The following PVT1 variants were observed in gnomAD, a reference collection of about 807,000 sequenced individuals.
The protein encoded by PVT1 is CXCR4/PVT1 fusion.
chr8:128,027,167 G>T (rs1025509409), intron 4 of PVT1, among the ~76,000 whole-genome samples: 2 of 152,168 alleles, frequency 1.3e-5, no homozygotes, highest in African/African-American at 4.8e-5. Context: ...AAAAAGCCAG[G>T]CTCCGAGTCC....
At chr8:127,824,837 T>C (rs554203648) in intron 2 of PVT1, among the ~76,000 whole-genome samples, 7 of 152,214 alleles carry the variant, frequency 4.6e-5, no homozygotes, top group African/African-American at 1.7e-4. Flanking sequence ...ATATTTAATG[T>C]GGCCGGGCAT....
At chr8:127,964,853 G>GT (rs56704440) in intron 3 of PVT1, among the ~76,000 whole-genome samples, 24,163 of 151,990 alleles carry the variant, frequency 0.16, 2,176 homozygotes, top group South Asian at 0.29. Flanking sequence ...TAAGAATGGG[G>GT]TTTTACCATG....
intron 3 of PVT1, among the ~76,000 whole-genome samples, chr8:127,897,518 GGAAAGAAAGAGGAAA>G (rs1485061375): frequency 8.5e-5 from 11 of 129,764 alleles, no homozygotes; most frequent in Admixed American, 4.4e-4. Flanking sequence ...AAGGAAGGAA[GGAAAGAAAGAGGAAA>G]GAAAGAAAGA....
intron 3 of PVT1, among the ~76,000 whole-genome samples, chr8:127,908,737 G>A (rs910471190): frequency 6.6e-6 from 1 of 152,190 alleles, no homozygotes; most frequent in Non-Finnish European, 1.5e-5. Context: ...TGGTTTCATG[G>A]TGGACTTTGA....
Position 127,835,055 on chromosome 8 carries a change from A to G in PVT1, n.372+38984A>G, listed in dbSNP as rs544752798. The stretch of plus-strand genomic sequence containing the variant: ...CAGTGGGGTGATTCCTCAAGGATCT[A>G]GAACCAGAAATACCATTTGACCCAG... On this transcript the variant is annotated intron_variant and non_coding_transcript_variant, in intron 2 of 10. Coordinates refer to ENST00000651587, the Ensembl canonical transcript of PVT1. 1.9e-4 allele frequency among the ~76,000 whole-genome samples: 29 copies of G among 152,338 alleles called. No individual in the cohort carries two copies. The Middle Eastern group carries it at 0.01, about 54-fold the overall frequency.
At chr8:127,987,969 T>C (rs1036862604) in intron 3 of PVT1, among the ~76,000 whole-genome samples, 1 of 152,218 alleles carries the variant, frequency 6.6e-6, no homozygotes, top group Non-Finnish European at 1.5e-5. Context: ...AACTGGACTC[T>C]GAGTGCAGGA....
intron 2 of PVT1, among the ~76,000 whole-genome samples, chr8:127,833,599 G>A (rs1287457510): frequency 6.6e-6 from 1 of 152,096 alleles, no homozygotes; most frequent in Non-Finnish European, 1.5e-5. Context: ...GACTACAGGT[G>A]CATGCTATGA....
intron 2 of PVT1, among the ~76,000 whole-genome samples, chr8:127,813,410 A>C (rs1814624168): frequency 6.6e-6 from 1 of 151,842 alleles, no homozygotes; most frequent in African/African-American, 2.4e-5. Flanking sequence ...CTGATTTCTG[A>C]ACTAAGAAAA....
intron 3 of PVT1, among the ~76,000 whole-genome samples, chr8:127,976,737 C>G (rs997413208): frequency 6.6e-6 from 1 of 152,148 alleles, no homozygotes; most frequent in African/African-American, 2.4e-5. Context: ...GTCTGAGCCT[C>G]AGGGAGGTGC....
chr8:127,941,237 T>C (rs1461998453), intron 3 of PVT1, among the ~76,000 whole-genome samples: 2 of 152,236 alleles, frequency 1.3e-5, no homozygotes, highest in African/African-American at 4.8e-5. Context: ...TAGAAAAGAT[T>C]ATCTAATTTT....
rs147936343 is a variant in PVT1, at chr8:127,854,995, A to G, written n.373-35594A>G. 3.8e-4 allele frequency among the ~76,000 whole-genome samples: 58 copies of G among 152,310 alleles called. No homozygotes were observed. In the East Asian group the frequency reaches 0.011, roughly 29 times the overall value. On this transcript the variant is annotated intron_variant and non_coding_transcript_variant, in intron 2 of 10. Transcript: ENST00000651587. ...AACTGAAGGTGTAGTAGGAGAAGAT[A>G]CTGACTCAGAGGCACAGAGTTAGAA...
At chr8:128,035,954 T>C in intron 4 of PVT1, among the ~76,000 whole-genome samples, 1 of 152,254 alleles carries the variant, frequency 6.6e-6, no homozygotes, top group East Asian at 1.9e-4. Context: ...GTTCAGCCTC[T>C]GACCTCCAGA....
At chr8:127,920,253 A>G (rs2129864083) in intron 3 of PVT1, among the ~76,000 whole-genome samples, 1 of 152,374 alleles carries the variant, frequency 6.6e-6, no homozygotes, top group Non-Finnish European at 1.5e-5. Flanking sequence ...AGAACAGCAG[A>G]AACTCGTAGC....
chr8:128,044,004 A>ATTAT (rs201026127), intron 4 of PVT1, among the ~76,000 whole-genome samples: 1 of 46,054 alleles, frequency 2.2e-5, no homozygotes. Context: ...TTTTTTTATT[A>ATTAT]TTATTTATTT....
chr8:127,965,436 G>T (rs901489329), intron 3 of PVT1, among the ~76,000 whole-genome samples: 1 of 152,196 alleles, frequency 6.6e-6, no homozygotes, highest in East Asian at 1.9e-4. Flanking sequence ...GTTATGATTG[G>T]TTTCTCAGGC....
At chr8:127,994,216 A>G (rs191953035) in intron 4 of PVT1, among the ~76,000 whole-genome samples, 1 of 152,090 alleles carries the variant, frequency 6.6e-6, no homozygotes, top group African/African-American at 2.4e-5. Flanking sequence ...GAAAATGAGG[A>G]TCTTTCTCTC....
intron 4 of PVT1, among the ~76,000 whole-genome samples, chr8:128,035,144 G>A (rs1813445760): frequency 6.6e-6 from 1 of 152,190 alleles, no homozygotes; most frequent in African/African-American, 2.4e-5. Flanking sequence ...TGCAGGAAAA[G>A]TGCCTTCACC....
At chr8:128,015,508 G>A (rs796854862) in intron 4 of PVT1, among the ~76,000 whole-genome samples, 33 of 152,212 alleles carry the variant, frequency 2.2e-4, no homozygotes, top group African/African-American at 7.2e-4. Flanking sequence ...GGGCGCAGTG[G>A]CTCACGTCTG....
intron 2 of PVT1, among the ~76,000 whole-genome samples, chr8:127,846,255 A>G (rs1045820806): frequency 6.6e-6 from 1 of 152,108 alleles, no homozygotes; most frequent in African/African-American, 2.4e-5. Context: ...TTTTCACGGT[A>G]AGACCCGGTT....
Sources: allele counts gnomAD v4.1 joint callset (sites outside exome capture counted in the v4.1 genomes callset), GRCh38; gene constraint gnomAD v4.1.1; transcripts MANE v1.5; gene names NCBI Gene and HGNC (gene_info 2026-07-23, HGNC 2026-07-21).